The following SRGAP2 variants were observed in gnomAD, a reference collection of about 807,000 sequenced individuals.
SRGAP2 encodes the protein SLIT-ROBO Rho GTPase activating protein 2.
A neutral mutation model predicts 57.2 loss-of-function variants in SRGAP2; 15 were observed. The ratio of observed to expected loss-of-function variants is 0.26; its 90% confidence interval spans 0.18 to 0.40. SRGAP2 has a LOEUF of 0.40. Ranked by LOEUF, SRGAP2 falls within the 10% of genes least tolerant of loss-of-function variation. The pLI is 1.00. For synonymous variants in SRGAP2, 249 were observed against 248.0 expected (o/e 1.00, Z -0.04); for missense variants, 520 against 669.6 (o/e 0.78, Z 2.47).
intron 18 of SRGAP2, among the ~76,000 whole-genome samples, chr1:206,448,017 C>G (rs1662919221): frequency 1.3e-5 from 2 of 152,194 alleles, no homozygotes; most frequent in Non-Finnish European, 2.9e-5. Flanking sequence ...AGGCTAGAAG[C>G]ACCTGAGGAA....
chr1:206,424,089 G>A (rs553429348), intron 13 of SRGAP2, among the ~76,000 whole-genome samples: 175 of 150,570 alleles, frequency 1.2e-3, no homozygotes, highest in Non-Finnish European at 1.8e-3. Flanking sequence ...CACCACGCCC[G>A]GCCCTTTCTG....
intron 14 of SRGAP2, among the ~76,000 whole-genome samples, chr1:206,430,982 G>C (rs549422977): frequency 1.3e-5 from 2 of 152,322 alleles, no homozygotes; most frequent in South Asian, 2.1e-4. Context: ...GTTTTTAGAT[G>C]CTGTTCTTTC....
intron 12 of SRGAP2, among the ~76,000 whole-genome samples, chr1:206,420,564 G>A (rs1165946500): frequency 6.6e-6 from 1 of 152,140 alleles, no homozygotes; most frequent in Non-Finnish European, 1.5e-5. Flanking sequence ...ATTCCAAAGG[G>A]GTTCCTCAGG....
At chr1:206,280,918 GA>G (rs1670695216) in intron 2 of SRGAP2, among the ~76,000 whole-genome samples, 1 of 152,236 alleles carries the variant, frequency 6.6e-6, no homozygotes, top group Non-Finnish European at 1.5e-5. Context: ...CAATTAGGCA[GA>G]AATCTTTACT....
chr1:206,449,862 A>T (rs1553375232), intron 18 of SRGAP2, among the ~76,000 whole-genome samples: 1 of 152,240 alleles, frequency 6.6e-6, no homozygotes, highest in East Asian at 1.9e-4. Flanking sequence ...AAATTACTTT[A>T]TTAAATCCTC....
chr1:206,371,318 C>T (rs1429470051), intron 4 of SRGAP2, among the ~76,000 whole-genome samples: 4 of 149,160 alleles, frequency 2.7e-5, no homozygotes, highest in Non-Finnish European at 4.5e-5. Flanking sequence ...GAAAATATAT[C>T]GCCAGCAGAC....
chr1:206,296,441 G>GT (rs1216195022), intron 2 of SRGAP2, among the ~76,000 whole-genome samples: 6 of 150,434 alleles, frequency 4.0e-5, no homozygotes, highest in Non-Finnish European at 7.4e-5. Flanking sequence ...TATGTATTTA[G>GT]TTTTTTGAGA....
At chr1:206,415,756 A>G in intron 10 of SRGAP2, 133 bp from the exon 11 acceptor site, 1 of 678,402 alleles carries the variant, frequency 1.5e-6, no homozygotes, top group Non-Finnish European at 2.7e-6. Flanking sequence ...AAAGAAATTA[A>G]AAAATTGACT....
At chr1:206,438,169 C>A in intron 16 of SRGAP2, 71 bp downstream of exon 16, 1 of 748,134 alleles carries the variant, frequency 1.3e-6, no homozygotes, top group Admixed American at 1.8e-5. Flanking sequence ...AAAGTTTCCA[C>A]AGGGTCTGTG....
At chr1:206,206,224 TG>T (rs1257514607) in intron 2 of SRGAP2, 187 bp downstream of exon 2, 1 of 534,648 alleles carries the variant, frequency 1.9e-6, no homozygotes, top group African/African-American at 2.2e-5. Flanking sequence ...CCATTGACAC[TG>T]GAAAGGAATT....
intron 2 of SRGAP2, among the ~76,000 whole-genome samples, chr1:206,286,638 A>G (rs1460401880): frequency 6.6e-6 from 1 of 152,218 alleles, no homozygotes; most frequent in Non-Finnish European, 1.5e-5. Flanking sequence ...AAGAAAAATT[A>G]AAATGAGGTA....
intron 13 of SRGAP2, among the ~76,000 whole-genome samples, chr1:206,423,949 A>ATTT (rs782243765): frequency 2.7e-3 from 238 of 87,652 alleles, no homozygotes; most frequent in South Asian, 3.9e-3. Context: ...TAATTTATGT[A>ATTT]TTTTTTTTTT....
intron 18 of SRGAP2, among the ~76,000 whole-genome samples, chr1:206,446,817 G>A (rs1359251418): frequency 6.6e-6 from 1 of 152,208 alleles, no homozygotes; most frequent in East Asian, 1.9e-4. Context: ...GTTTTTGGCA[G>A]GTTAGGGACT....
chr1:206,337,015 G>A (rs1179659014), intron 3 of SRGAP2, among the ~76,000 whole-genome samples: 1 of 138,852 alleles, frequency 7.2e-6, no homozygotes, highest in East Asian at 2.0e-4. Context: ...TTTTAAAAGC[G>A]AGAAATTATA....
At chr1:206,353,789 T>A (rs1256869323) in intron 4 of SRGAP2, among the ~76,000 whole-genome samples, 2 of 148,672 alleles carry the variant, frequency 1.3e-5, no homozygotes, top group Non-Finnish European at 3.0e-5. Flanking sequence ...TGAATTTTTT[T>A]TATTTCAGAT....
intron 13 of SRGAP2, among the ~76,000 whole-genome samples, chr1:206,424,901 T>A (rs1553365776): frequency 6.6e-6 from 1 of 152,212 alleles, no homozygotes; most frequent in Non-Finnish European, 1.5e-5. Context: ...ACTAGAAAAA[T>A]GCCTGTGCAG....
intron 11 of SRGAP2, among the ~76,000 whole-genome samples, chr1:206,416,328 A>G (rs2103220799): frequency 6.6e-6 from 1 of 152,326 alleles, no homozygotes; most frequent in Non-Finnish European, 1.5e-5. Context: ...CTGAGGCAGC[A>G]CTGAGACTGG....
At chr1:206,222,766 T>C (rs529077726) in intron 2 of SRGAP2, among the ~76,000 whole-genome samples, 97 of 152,294 alleles carry the variant, frequency 6.4e-4, no homozygotes, top group African/African-American at 2.3e-3. Context: ...AAGATATATG[T>C]ATATTTCTCT....
chr1:206,247,336 GATTCACATCTAGGGCTCCTGAC>G (rs1668555700), intron 2 of SRGAP2, among the ~76,000 whole-genome samples: 1 of 150,904 alleles, frequency 6.6e-6, no homozygotes, highest in African/African-American at 2.4e-5. Context: ...TGTGAGAATG[GATTCACATCTAGGGCTCCTGAC>G]AGTATCTGTC....
Sources: allele counts gnomAD v4.1 joint callset (sites outside exome capture counted in the v4.1 genomes callset), GRCh38; gene constraint gnomAD v4.1.1; transcripts MANE v1.5; gene names NCBI Gene and HGNC (gene_info 2026-07-23, HGNC 2026-07-21).